The following TRIM68 variants were observed in gnomAD, a reference collection of about 807,000 sequenced individuals.
TRIM68 encodes E3 ubiquitin-protein ligase TRIM68.
A neutral mutation model predicts 41.9 loss-of-function variants in TRIM68; 36 were observed. The observed-to-expected ratio is 0.86, with a 90% CI of 0.66 to 1.14. The LOEUF (loss-of-function observed/expected upper bound fraction) is 1.14. Among genes scored for constraint, TRIM68 ranks in the 50% most tolerant of loss-of-function variants. TRIM68 has a pLI of 0.00. For synonymous variants in TRIM68, 225 were observed against 224.6 expected (o/e 1.00, Z -0.02); for missense variants, 632 against 605.1 (o/e 1.04, Z -0.47).
In TRIM68 at chr11:4,600,116, A is replaced by T. The variant is rs894627869; in HGVS notation, c.*160T>A. 17 of 702,002 alleles carry T rather than the reference A, an allele frequency of 2.4e-5. No individual in the cohort carries two copies. In the Admixed American group the frequency reaches 5.3e-4, roughly 22 times the overall value. The allele number at this position is 702,002 out of a possible 1,614,324, so 43.5% of individuals were successfully genotyped here. On this transcript the variant is annotated 3_prime_UTR_variant, in exon 7 of 7. Transcript: ENST00000300747. The stretch of plus-strand genomic sequence containing the variant: ...TTTTTAAAATAAGTGGTTTCATGAC[A>T]GACTTCAGCCTGGTAGCAAAGACCA...
Position 4,605,134 on chromosome 11 carries a change from G to A in TRIM68, c.371C>T (p.Pro124Leu). 1.9e-6 allele frequency: 3 copies of A among 1,614,196 alleles called. No homozygotes were observed. The highest frequency in any genetic ancestry group is 2.5e-6 in the Non-Finnish European group (3 of 1,180,040). ...CACAACACTGTGGGCCTCATGCTCTGGGGACTGGCTGCAGGCCTCACACAT... is the reference window on the plus strand; with the variant it reads ...CACAACACTGTGGGCCTCATGCTCTAGGGACTGGCTGCAGGCCTCACACAT... Reference protein sequence around the residue: ...LIMCEACSQSPEHEAHSVVPM... With the variant: ...LIMCEACSQSLEHEAHSVVPM... The change falls in exon 2 of 7, where the codon CCA becomes CTA. Residue 124 changes from proline (P) to leucine (L), a missense_variant. Pro to Leu is a moderately conservative substitution (Grantham distance 98, BLOSUM62 -3). Transcript: ENST00000300747.
intron 1 of TRIM68, among the ~76,000 whole-genome samples, chr11:4,607,377 T>C (rs530070443): frequency 5.9e-5 from 9 of 152,278 alleles, no homozygotes; most frequent in South Asian, 4.1e-4. Context: ...CGATAGTAGA[T>C]TGAAAGTGGA....
In TRIM68 at chr11:4,602,217, C is replaced by A. The variant is rs563820880; in HGVS notation, c.718G>T (p.Val240Phe). Residue 240 changes from valine to phenylalanine, a missense_variant, in exon 4 of 7, where the codon GTC (valine) becomes TTC (phenylalanine). Physicochemically the swap from Val to Phe is conservative, Grantham distance 50 (BLOSUM62 -1). Transcript: ENST00000300747. ...AACTCTGCAATCATCCTCCACAGGA[C>A]CTGGCTCTGCTGGATGAGCTCGCTA... Reference protein sequence around the residue: ...NHSELIQQSQVLWRMIAELKE... With the variant: ...NHSELIQQSQFLWRMIAELKE... The A allele has an allele frequency of 3.8e-5, 61 of 1,614,202 alleles. No homozygotes were observed. The highest frequency in any genetic ancestry group is 3.6e-4 in the South Asian group (33 of 91,082).
Position 4,600,692 on chromosome 11 carries a change from G to A in TRIM68, c.1042C>T (p.Leu348=), listed in dbSNP as rs755678446. 1 of 1,614,028 alleles carries A rather than the reference G, an allele frequency of 6.2e-7. No homozygotes were observed. The highest frequency in any genetic ancestry group is 1.3e-5 in the African/African-American group (1 of 74,904). ...CCTGAGGAGATGCACTGGCTTCCCA[G>A]GACGATATTATAGCGGTAAAATCTC... The part of the protein sequence containing the change: ...PERFYRYNIV[L]GSQCISSGRH... Residue 348 remains leucine, a synonymous_variant, in exon 7 of 7, where the codon CTG becomes TTG. Coordinates refer to ENST00000300747, the MANE Select transcript of TRIM68 (RefSeq NM_018073.8).
At chr11:4,601,387 GA>G (rs1452721172) in intron 5 of TRIM68, 1 of 594,536 alleles carries the variant, frequency 1.7e-6, no homozygotes, top group African/African-American at 1.9e-5. Context: ...TGTCGGACAT[GA>G]AGGAGTCATG....
rs1464543517 is a variant in TRIM68, at chr11:4,599,930, G to A, written c.*346C>T. On this transcript the variant is annotated 3_prime_UTR_variant, in exon 7 of 7. Coordinates refer to ENST00000300747, the MANE Select transcript of TRIM68 (RefSeq NM_018073.8). Reference sequence around the variant, plus strand: ...CTTCATCATCCTCACTGACTGAACTGTGACACCGGACGGGAATCAGGGAAG... The same window carrying A: ...CTTCATCATCCTCACTGACTGAACTATGACACCGGACGGGAATCAGGGAAG... The A allele has an allele frequency of 4.9e-6, 1 of 205,586 alleles. No homozygotes were observed. The highest frequency in any genetic ancestry group is 2.3e-5 in the African/African-American group (1 of 43,520). The allele number at this position is 205,586 out of a possible 1,614,324, so 12.7% of individuals were successfully genotyped here.
chr11:4,602,586 A>G (rs1423074694), intron 3 of TRIM68, among the ~76,000 whole-genome samples, 174 bp from the exon 4 acceptor site: 1 of 152,186 alleles, frequency 6.6e-6, no homozygotes, highest in African/African-American at 2.4e-5. Context: ...GCTCCACCAC[A>G]TGCTTCTAGG....
rs748012627 is a variant in TRIM68, at chr11:4,600,828, T to C, written c.908-2A>G. Reference sequence around the variant, plus strand: ...TATCTGGATCCAAGCGCACATCAGCTAGAAGAAAAGGTCCTGGTTGGTAAC... The same window carrying C: ...TATCTGGATCCAAGCGCACATCAGCCAGAAGAAAAGGTCCTGGTTGGTAAC... On this transcript the variant is annotated splice_acceptor_variant, in intron 6 of 6. Coordinates refer to ENST00000300747, the MANE Select transcript of TRIM68 (RefSeq NM_018073.8). LOFTEE classifies it high-confidence loss of function. The C allele has an allele frequency of 8.1e-6, 13 of 1,610,052 alleles. No homozygotes were observed. Among genetic ancestry groups the C allele is most frequent in the Non-Finnish European group, 1.1e-5 (13 of 1,177,392 alleles).
intron 2 of TRIM68, among the ~76,000 whole-genome samples, chr11:4,603,835 C>T (rs1375265998): frequency 2.6e-5 from 4 of 152,178 alleles, no homozygotes; most frequent in Admixed American, 6.5e-5. Flanking sequence ...GTAAGAAGCA[C>T]TTTCCTAGAA....
chr11:4,602,336 GGCT>G lies in TRIM68; in HGVS notation c.596_598del (p.Gln199del). The G allele has an allele frequency of 2.5e-6, 4 of 1,614,136 alleles. No homozygotes were observed. The highest frequency in any genetic ancestry group is 3.4e-6 in the Non-Finnish European group (4 of 1,180,044). Reference sequence around the variant, plus strand: ...CTCTGCCCCCAGCTGCCGATGTGGTGGCTGCTTTTTCTCTAGTAATCGCTGGTA... The same window carrying G: ...CTCTGCCCCCAGCTGCCGATGTGGTGGCTTTTTCTCTAGTAATCGCTGGTA... On this transcript the variant is annotated inframe_deletion, in exon 4 of 7. Transcript: ENST00000300747.
At position 4,605,118 on chromosome 11, in the gene TRIM68, G is replaced by A. The variant is rs370245003; in HGVS notation, c.387C>T (p.His129=). 86 of 1,614,086 alleles carry A rather than the reference G, an allele frequency of 5.3e-5. No individual in the cohort carries two copies. Among genetic ancestry groups the A allele is most frequent in the Middle Eastern group, 1.6e-4 (1 of 6,084 alleles). ...CAACATCCTCCATTGGCACAACACT[G>A]TGGGCCTCATGCTCTGGGGACTGGC... is the stretch of plus-strand genomic sequence containing the variant. ...ACSQSPEHEA[H]SVVPMEDVAW... is the part of the protein sequence containing the mutation. Residue 129 remains histidine, a synonymous_variant, in exon 2 of 7, where the codon CAC becomes CAT. Coordinates refer to ENST00000300747, the MANE Select transcript of TRIM68 (RefSeq NM_018073.8).
rs572231463 is a variant in TRIM68 at position 4,598,741 on chromosome 11, T to A, written c.*1535A>T. 1 of 152,376 alleles carries A rather than the reference T, an allele frequency of 6.6e-6. No homozygotes were observed. Among genetic ancestry groups the A allele is most frequent in the African/African-American group, 2.4e-5 (1 of 41,594 alleles). 9.4% of individuals were successfully genotyped at this position (152,376 alleles called of 1,614,324 possible). ...AACTCCTACATACATGAACAGCCAATACAATTAAAGTAGAAACACAATTTT... is the reference window on the plus strand; with the variant it reads ...AACTCCTACATACATGAACAGCCAAAACAATTAAAGTAGAAACACAATTTT... On this transcript the variant is annotated 3_prime_UTR_variant, in exon 7 of 7. Coordinates refer to ENST00000300747, the MANE Select transcript of TRIM68 (RefSeq NM_018073.8).
In TRIM68 at chr11:4,601,113, C is replaced by T. The variant is rs148658506; in HGVS notation, c.821G>A (p.Ser274Asn). The change falls in exon 6 of 7, where the codon AGC becomes AAC. Residue 274 changes from serine (S) to asparagine (N), a missense_variant. Ser to Asn is a conservative substitution (Grantham distance 46). Transcript: ENST00000300747. Reference sequence around the variant, plus strand: ...GGAGATTGGTTCTGGCTGCTGCAAGCTCCAAGATTTGCTCCTGGTAGAGGA... The same window carrying T: ...GGAGATTGGTTCTGGCTGCTGCAAGTTCCAAGATTTGCTCCTGGTAGAGGA... Reference protein sequence around the residue: ...QEVLNRSKSWSLQQPEPISLE... With the variant: ...QEVLNRSKSWNLQQPEPISLE... 2.3e-5 allele frequency: 37 copies of T among 1,614,194 alleles called. No homozygotes were observed. The East Asian group carries it at 6.7e-4, about 29-fold the overall frequency.
In TRIM68 at chr11:4,605,461, G is replaced by C; in HGVS notation, c.44C>G (p.Ala15Gly). ...CAGGAAGGTCATACAGATGGGACAG[G>C]CCACTTCTTCCACAATGGCTTCCAC... ...ALVEAIVEEV[A>G]CPICMTFLRE... The change falls in exon 2 of 7, where the codon GCC (alanine) becomes GGC (glycine). Residue 15 changes from alanine (A) to glycine (G), a missense_variant. By Grantham distance (60) the Ala-to-Gly change is moderately conservative. Coordinates refer to ENST00000300747, the MANE Select transcript of TRIM68 (RefSeq NM_018073.8). 1 of 1,612,646 alleles carries C rather than the reference G, an allele frequency of 6.2e-7. No individual in the cohort carries two copies. Among genetic ancestry groups the C allele is most frequent in the African/African-American group, 1.3e-5 (1 of 75,016 alleles).
chr11:4,602,333 G>C lies in TRIM68; in HGVS notation c.602C>G (p.Pro201Arg), dbSNP rs1343495935. 9 of 1,614,120 alleles carry C rather than the reference G, an allele frequency of 5.6e-6. 1 individual carries two copies. The South Asian group carries it at 8.8e-5, about 16-fold the overall frequency. Reference protein sequence around the residue: ...YQRLLEKKQPPHRQLGAEVAA... With the variant: ...YQRLLEKKQPRHRQLGAEVAA... ...TACCTCTGCCCCCAGCTGCCGATGT[G>C]GTGGCTGCTTTTTCTCTAGTAATCG... The change falls in exon 4 of 7, where the codon CCA becomes CGA. Residue 201 changes from proline (P) to arginine (R), a missense_variant. Physicochemically the swap from Pro to Arg is moderately radical, Grantham distance 103 (BLOSUM62 -2). Coordinates refer to ENST00000300747, the MANE Select transcript of TRIM68 (RefSeq NM_018073.8).
chr11:4,604,388 A>G (rs553558505), intron 2 of TRIM68, among the ~76,000 whole-genome samples: 33 of 152,350 alleles, frequency 2.2e-4, no homozygotes, highest in African/African-American at 7.2e-4. Flanking sequence ...CTGGAAGTTG[A>G]TGAGGTTAGC....
At position 4,601,143 on chromosome 11, in the gene TRIM68, G is replaced by A; in HGVS notation, c.807-16C>T. On this transcript the variant is annotated splice_polypyrimidine_tract_variant and intron_variant, in intron 5 of 6. Coordinates refer to ENST00000300747, the MANE Select transcript of TRIM68 (RefSeq NM_018073.8). ...AGATTTGCTCCTGGTAGAGGAGGGTGAACCTCAGGGCCAGGAGTCCCGGCT... is the reference window on the plus strand; with the variant it reads ...AGATTTGCTCCTGGTAGAGGAGGGTAAACCTCAGGGCCAGGAGTCCCGGCT... The A allele has an allele frequency of 1.2e-6, 2 of 1,603,328 alleles. No individual in the cohort carries two copies. Among genetic ancestry groups the A allele is most frequent in the African/African-American group, 1.3e-5 (1 of 74,838 alleles).
Position 4,600,694 on chromosome 11 carries a change from A to G in TRIM68, c.1040T>C (p.Val347Ala). The change falls in exon 7 of 7, where the codon GTC becomes GCC. Residue 347 changes from valine (V) to alanine (A), a missense_variant. Val to Ala is a moderately conservative substitution (Grantham distance 64). Transcript: ENST00000300747. ...NPERFYRYNI[V>A]LGSQCISSGR... ...TGAGGAGATGCACTGGCTTCCCAGG[A>G]CGATATTATAGCGGTAAAATCTCTC... The G allele has an allele frequency of 1.2e-6, 2 of 1,614,160 alleles. No individual in the cohort carries two copies. The highest frequency in any genetic ancestry group is 2.2e-5 in the South Asian group (2 of 91,076).
At chr11:4,601,237 A>C (rs1414170008) in intron 5 of TRIM68, 110 bp from the exon 6 acceptor site, 2 of 830,628 alleles carry the variant, frequency 2.4e-6, no homozygotes, top group African/African-American at 1.7e-5. Flanking sequence ...ACCCCAGCAA[A>C]GCAGAGACAT....
Sources: allele counts gnomAD v4.1 joint callset (sites outside exome capture counted in the v4.1 genomes callset), GRCh38; gene constraint gnomAD v4.1.1; transcripts MANE v1.5; gene names NCBI Gene and HGNC (gene_info 2026-07-23, HGNC 2026-07-21).